Variants in MBD5 observed in about 807,000 individuals in gnomAD.
MBD5 encodes methyl-CpG binding domain protein 5, also known as methyl-CpG-binding domain protein 5.
In MBD5, 13 loss-of-function variants were observed where a neutral mutation model predicts 117.3. The observed-to-expected ratio is 0.11, with a 90% CI of 0.07 to 0.18. The LOEUF (loss-of-function observed/expected upper bound fraction) is 0.18, where lower values mean the gene tolerates loss of function less well. Among genes scored for constraint, MBD5 ranks in the 10% least tolerant of loss-of-function variants. MBD5 has a pLI of 1.00. For missense variants in MBD5, 1,879 were observed against 2,093.8 expected (o/e 0.90, Z 2.00); for synonymous variants, 727 against 766.4 (o/e 0.95, Z 0.85).
intron 1 of MBD5, among the ~76,000 whole-genome samples, chr2:148,060,489 T>G (rs781039141): frequency 2.0e-5 from 3 of 152,204 alleles, no homozygotes; most frequent in Non-Finnish European, 4.4e-5. Context: ...GCTTGCATGT[T>G]GCATACACTG....
At position 148,325,249 on chromosome 2, in the gene MBD5, G is replaced by T. The variant is rs901084821; in HGVS notation, c.-679-16965G>T. 9.7e-4 allele frequency among the ~76,000 whole-genome samples: 148 copies of T among 152,124 alleles called. 2 individuals carry two copies. The highest frequency in any genetic ancestry group is 1.8e-3 in the Non-Finnish European group (120 of 68,028). Reference sequence around the variant, plus strand: ...GGATTCGGTTTGCCAGTATTTTATTGAGGATTTTTGCATCAATGTTCATCA... The same window carrying T: ...GGATTCGGTTTGCCAGTATTTTATTTAGGATTTTTGCATCAATGTTCATCA... On this transcript the variant is annotated intron_variant, in intron 3 of 13. Transcript: ENST00000642680.
At chr2:148,209,165 G>A (rs1437462302) in intron 2 of MBD5, among the ~76,000 whole-genome samples, 3 of 152,108 alleles carry the variant, frequency 2.0e-5, no homozygotes, top group Non-Finnish European at 4.4e-5. Context: ...TGCTACATAT[G>A]ATCATTTTAT....
At chr2:148,466,226 T>A (rs1707255286) in intron 7 of MBD5, among the ~76,000 whole-genome samples, 1 of 152,184 alleles carries the variant, frequency 6.6e-6, no homozygotes, top group South Asian at 2.1e-4. Flanking sequence ...CATCTGTTTC[T>A]GTTTATTCTT....
chr2:148,385,948 TG>T (rs1704343992), intron 4 of MBD5, among the ~76,000 whole-genome samples: 1 of 109,198 alleles, frequency 9.2e-6, no homozygotes, highest in African/African-American at 3.7e-5. Context: ...CATCAAACAC[TG>T]GGGACTGTTG....
At chr2:148,151,908 A>G (rs1484791346) in intron 1 of MBD5, among the ~76,000 whole-genome samples, 1 of 151,856 alleles carries the variant, frequency 6.6e-6, no homozygotes, top group South Asian at 2.1e-4. Context: ...GGATTCATTA[A>G]TTTTTGAAGG....
intron 4 of MBD5, among the ~76,000 whole-genome samples, chr2:148,455,246 G>A (rs187609857): frequency 3.3e-5 from 5 of 152,192 alleles, no homozygotes; most frequent in Non-Finnish European, 5.9e-5. Flanking sequence ...GCTGCCTCTG[G>A]AAGGCTGAAG....
chr2:148,440,214 G>GAAATT (rs1706277809), intron 4 of MBD5, among the ~76,000 whole-genome samples: 1 of 152,044 alleles, frequency 6.6e-6, no homozygotes, highest in Non-Finnish European at 1.5e-5. Flanking sequence ...TACAAATTAA[G>GAAATT]AAATTAAAGA....
At chr2:148,290,654 A>G (rs1456116558) in intron 3 of MBD5, among the ~76,000 whole-genome samples, 2 of 152,092 alleles carry the variant, frequency 1.3e-5, no homozygotes, top group Non-Finnish European at 2.9e-5. Flanking sequence ...TCAGTACAGT[A>G]TTTTTAATGT....
At position 148,032,530 on chromosome 2, in the gene MBD5, C is replaced by T. The variant is rs902656373; in HGVS notation, c.-925+10846C>T. On this transcript the variant is annotated intron_variant, in intron 1 of 13. Coordinates refer to ENST00000642680, the MANE Select transcript of MBD5 (RefSeq NM_001378120.1). ...TTCTGAGGTGGGAGGAAGCATAGTA[C>T]CGAATATTAAACAAAGGTCAATGTG... is the stretch of plus-strand genomic sequence containing the variant. 3.3e-5 allele frequency among the ~76,000 whole-genome samples: 5 copies of T among 152,010 alleles called. No homozygotes were observed. The South Asian group carries it at 6.2e-4, about 19-fold the overall frequency.
chr2:148,097,769 A>G (rs1696106904), intron 1 of MBD5, among the ~76,000 whole-genome samples: 4 of 152,190 alleles, frequency 2.6e-5, no homozygotes, highest in Admixed American at 1.3e-4. Flanking sequence ...CAATTCAGAA[A>G]AGGTTTCCCC....
At chr2:148,239,255 G>A (rs13397840) in intron 3 of MBD5, among the ~76,000 whole-genome samples, 19,463 of 151,934 alleles carry the variant, frequency 0.13, 1,408 homozygotes, top group Admixed American at 0.16. Flanking sequence ...CTTGGACATC[G>A]ACAGTTCCTT....
At chr2:148,084,256 C>A (rs1283096680) in intron 1 of MBD5, among the ~76,000 whole-genome samples, 1 of 152,156 alleles carries the variant, frequency 6.6e-6, no homozygotes, top group East Asian at 1.9e-4. Context: ...CTCCTTGTGA[C>A]ATGTCTAGTT....
rs1380852736 is a variant in MBD5 at position 148,058,670 on chromosome 2, CAT to C, written c.-925+36989_-925+36990del. 5.9e-5 allele frequency among the ~76,000 whole-genome samples: 9 copies of C among 152,144 alleles called. No individual in the cohort carries two copies. In the East Asian group the frequency reaches 1.7e-3, roughly 29 times the overall value. On this transcript the variant is annotated intron_variant, in intron 1 of 13. Transcript: ENST00000642680. ...TATAAAGTTTGATTCTATCTCCTAA[CAT>C]ATTTTTCCATTATTGCTAACTACTA... is the stretch of plus-strand genomic sequence containing the variant.
chr2:148,346,816 G>A (rs778735654), intron 4 of MBD5: 13 of 150,868 alleles, frequency 8.6e-5, no homozygotes, highest in Non-Finnish European at 1.6e-4. Flanking sequence ...TCATTTTTAT[G>A]AGCTTAAATC....
intron 11 of MBD5, among the ~76,000 whole-genome samples, chr2:148,494,945 A>G (rs1449312847): frequency 6.6e-6 from 1 of 152,204 alleles, no homozygotes; most frequent in Non-Finnish European, 1.5e-5. Context: ...CCTGGGCGAC[A>G]GAGCGAGGCT....
intron 1 of MBD5, among the ~76,000 whole-genome samples, chr2:148,164,489 C>G (rs1698081728): frequency 6.6e-6 from 1 of 152,036 alleles, no homozygotes; most frequent in Admixed American, 6.5e-5. Context: ...ATTTTAGCAA[C>G]TAGTACAGCC....
intron 1 of MBD5, among the ~76,000 whole-genome samples, chr2:148,052,267 A>G (rs890921518): frequency 3.0e-5 from 4 of 131,996 alleles, no homozygotes; most frequent in African/African-American, 5.8e-5. Context: ...CTGGAGTGCA[A>G]TGGTGCAATC....
chr2:148,460,608 A>G (rs1326016700), intron 5 of MBD5, among the ~76,000 whole-genome samples: 1 of 152,210 alleles, frequency 6.6e-6, no homozygotes, highest in East Asian at 1.9e-4. Context: ...GAGGCTACAC[A>G]TTAAATTTTC....
intron 6 of MBD5, 124 bp downstream of exon 6, chr2:148,462,808 A>G: frequency 1.4e-6 from 1 of 692,274 alleles, no homozygotes; most frequent in Admixed American, 2.5e-5. Flanking sequence ...TTCTTTATCT[A>G]ATTCTCATAT....
Sources: allele counts gnomAD v4.1 joint callset (sites outside exome capture counted in the v4.1 genomes callset), GRCh38; gene constraint gnomAD v4.1.1; transcripts MANE v1.5; gene names NCBI Gene and HGNC (gene_info 2026-07-23, HGNC 2026-07-21).